Variants in CHTF8 observed in about 807,000 individuals in gnomAD.
CHTF8 encodes chromosome transmission fidelity factor 8, also known as chromosome transmission fidelity protein 8 homolog.
In CHTF8, 6 loss-of-function variants were observed where a neutral mutation model predicts 11.0. That is an observed-to-expected ratio of 0.55 (90% confidence interval 0.30 to 1.08). CHTF8 has a LOEUF of 1.08. Ranked by LOEUF, CHTF8 falls within the 50% of genes least tolerant of loss-of-function variation. CHTF8 has a pLI of 0.07. For missense variants in CHTF8, 140 were observed against 153.1 expected, an observed-to-expected ratio of 0.91 and a Z score of 0.45; for synonymous variants, 53 against 60.5, an observed-to-expected ratio of 0.88 and a Z score of 0.57.
At position 69,119,522 on chromosome 16, in the gene CHTF8, G is replaced by A. The variant is rs1280373148; in HGVS notation, c.*903C>T. 2 of 702,900 alleles carry A rather than the reference G, an allele frequency of 2.8e-6. No homozygotes were observed. Among genetic ancestry groups the A allele is most frequent in the Admixed American group, 4.0e-5 (2 of 50,020 alleles). The allele number at this position is 702,900 out of a possible 1,614,324, so 43.5% of individuals were successfully genotyped here. ...CCAGGTACTCTTGCCATGGAGGATG[G>A]GCTTGTGCCCATGTTTCCAGAAGCC... is the stretch of plus-strand genomic sequence containing the variant. On this transcript the variant is annotated 3_prime_UTR_variant, in exon 4 of 4. Coordinates refer to ENST00000448552, the MANE Select transcript of CHTF8 (RefSeq NM_001039690.5).
chr16:69,125,312 T>G (rs1464567512), intron 1 of CHTF8, among the ~76,000 whole-genome samples: 1 of 152,216 alleles, frequency 6.6e-6, no homozygotes, highest in Non-Finnish European at 1.5e-5. Flanking sequence ...CATTCAACCA[T>G]CATCACAAGT....
At chr16:69,122,719 T>A (rs1327124315) in intron 1 of CHTF8, among the ~76,000 whole-genome samples, 1 of 152,052 alleles carries the variant, frequency 6.6e-6, no homozygotes, top group Non-Finnish European at 1.5e-5. Context: ...TTTTTGTATT[T>A]TTAGTAGAGA....
chr16:69,122,422 G>C (rs997368644), intron 1 of CHTF8, among the ~76,000 whole-genome samples: 1 of 151,238 alleles, frequency 6.6e-6, no homozygotes, highest in Admixed American at 6.6e-5. Flanking sequence ...ACCAAATCTG[G>C]AGCGCAGTGG....
intron 1 of CHTF8, among the ~76,000 whole-genome samples, chr16:69,131,916 C>G (rs1053729824): frequency 4.6e-5 from 7 of 152,020 alleles, no homozygotes; most frequent in African/African-American, 1.7e-4. Context: ...AAGCCTCCCC[C>G]CTCCACGATT....
At chr16:69,131,877 C>T (rs888115267) in intron 1 of CHTF8, among the ~76,000 whole-genome samples, 125 of 152,016 alleles carry the variant, frequency 8.2e-4, no homozygotes, top group Non-Finnish European at 1.6e-3. Flanking sequence ...GAATGACTCT[C>T]CAACCACCCT....
At chr16:69,122,244 G>A (rs1300205650) in intron 1 of CHTF8, among the ~76,000 whole-genome samples, 1 of 152,134 alleles carries the variant, frequency 6.6e-6, no homozygotes, top group East Asian at 1.9e-4. Context: ...ATGGTCAACT[G>A]TATGTGCAAA....
In CHTF8 at chr16:69,120,140, A is replaced by G. The variant is rs1597107877; in HGVS notation, c.*285T>C. On this transcript the variant is annotated 3_prime_UTR_variant, in exon 4 of 4. Coordinates refer to ENST00000448552, the MANE Select transcript of CHTF8 (RefSeq NM_001039690.5). The surrounding 1 kb of genome is among the most constrained non-coding windows in gnomAD (Gnocchi z 4.0). ...GTGGGATTCATCCCTCTTGGAAAAGAAGCCATACTTGGGTCACGAGCACCA... is the reference window on the plus strand; with the variant it reads ...GTGGGATTCATCCCTCTTGGAAAAGGAGCCATACTTGGGTCACGAGCACCA... 3 of 701,358 alleles carry G rather than the reference A, an allele frequency of 4.3e-6. No homozygotes were observed. Among genetic ancestry groups the G allele is most frequent in the Non-Finnish European group, 2.6e-6 (1 of 384,936 alleles). The allele number at this position is 701,358 out of a possible 1,614,324, so 43.4% of individuals were successfully genotyped here.
intron 1 of CHTF8, among the ~76,000 whole-genome samples, chr16:69,125,039 G>A (rs979387851): frequency 1.3e-5 from 2 of 152,090 alleles, no homozygotes; most frequent in African/African-American, 4.8e-5. Context: ...CGAGTAGCTA[G>A]GATTATAGGC....
intron 1 of CHTF8, among the ~76,000 whole-genome samples, chr16:69,124,533 C>G (rs1380214978): frequency 6.6e-6 from 1 of 151,860 alleles, no homozygotes; most frequent in Non-Finnish European, 1.5e-5. Context: ...AAGTGATTCT[C>G]TTGCCTCAGC....
At chr16:69,122,748 G>T (rs1961774289) in intron 1 of CHTF8, among the ~76,000 whole-genome samples, 1 of 151,996 alleles carries the variant, frequency 6.6e-6, no homozygotes, top group Non-Finnish European at 1.5e-5. Context: ...CTTCATGTTG[G>T]CCAGGCTGGT....
chr16:69,121,470 C>A lies in CHTF8; in HGVS notation c.-12G>T. ...ACAATTTGCACCATGAGCTTTCTGT[C>A]TTTAAAAAGCAAGTGAAAACAAGCT... On this transcript the variant is annotated 5_prime_UTR_variant, in exon 2 of 4. Coordinates refer to ENST00000448552, the MANE Select transcript of CHTF8 (RefSeq NM_001039690.5). 6.3e-7 allele frequency: 1 copy of A among 1,597,940 alleles called. No homozygotes were observed. The highest frequency in any genetic ancestry group is 8.5e-7 in the Non-Finnish European group (1 of 1,175,246).
intron 1 of CHTF8, among the ~76,000 whole-genome samples, chr16:69,127,913 TTTCTCTTTC>T (rs1449865440): frequency 6.6e-6 from 1 of 150,544 alleles, no homozygotes; most frequent in Non-Finnish European, 1.5e-5. Flanking sequence ...CCCGGCCAAA[TTTCTCTTTC>T]TTCTTTTTTT....
intron 1 of CHTF8, among the ~76,000 whole-genome samples, chr16:69,128,919 C>G (rs1318253537): frequency 6.6e-6 from 1 of 151,944 alleles, no homozygotes; most frequent in Non-Finnish European, 1.5e-5. Context: ...CAAAAATTAG[C>G]CAGGCATGGT....
At chr16:69,129,872 G>T (rs1962369586) in intron 1 of CHTF8, among the ~76,000 whole-genome samples, 1 of 152,202 alleles carries the variant, frequency 6.6e-6, no homozygotes, top group East Asian at 1.9e-4. Context: ...GGGGTAGGCA[G>T]CTAAAAACAA....
intron 1 of CHTF8, among the ~76,000 whole-genome samples, chr16:69,121,825 G>A (rs889936108): frequency 5.9e-5 from 9 of 152,078 alleles, no homozygotes; most frequent in Non-Finnish European, 1.0e-4. Context: ...CCGCCACCAC[G>A]GCCGGCTAAT....
At chr16:69,123,925 TAA>T (rs757493986) in intron 1 of CHTF8, among the ~76,000 whole-genome samples, 4 of 76,970 alleles carry the variant, frequency 5.2e-5, no homozygotes, top group Admixed American at 1.5e-4. Context: ...CCATCTCTAC[TAA>T]AAAAAAAAAA....
In CHTF8 at chr16:69,120,045, G is replaced by A; in HGVS notation, c.*380C>T. ...GCAGAGCCCCTGTCCTAGGGTTTAG[G>A]GTGGGGCCTGGGCCTGGGCCTGGCC... On this transcript the variant is annotated 3_prime_UTR_variant, in exon 4 of 4. Coordinates refer to ENST00000448552, the MANE Select transcript of CHTF8 (RefSeq NM_001039690.5). This position sits in a 1 kb window ranked among gnomAD's most constrained non-coding sequence, Gnocchi z 4.0. The A allele has an allele frequency of 1.4e-6, 1 of 689,812 alleles. No individual in the cohort carries two copies. 42.7% of individuals were successfully genotyped at this position (689,812 alleles called of 1,614,324 possible).
chr16:69,120,228 C>T lies in CHTF8; in HGVS notation c.*197G>A, dbSNP rs1294249804. On this transcript the variant is annotated 3_prime_UTR_variant, in exon 4 of 4. Coordinates refer to ENST00000448552, the MANE Select transcript of CHTF8 (RefSeq NM_001039690.5). The surrounding 1 kb of genome is among the most constrained non-coding windows in gnomAD (Gnocchi z 4.0). ...ATGAAGCTGGAAAAGGAGATGGGTTCCTTGGAAATGGGGTCAGATTTCCAC... is the reference window on the plus strand; with the variant it reads ...ATGAAGCTGGAAAAGGAGATGGGTTTCTTGGAAATGGGGTCAGATTTCCAC... The T allele has an allele frequency of 1.4e-6, 1 of 706,210 alleles. No homozygotes were observed. Among genetic ancestry groups the T allele is most frequent in the East Asian group, 2.7e-5 (1 of 37,310 alleles). The allele number at this position is 706,210 out of a possible 1,614,324, so 43.7% of individuals were successfully genotyped here.
chr16:69,129,755 T>C (rs1962360832), intron 1 of CHTF8, among the ~76,000 whole-genome samples: 1 of 152,158 alleles, frequency 6.6e-6, no homozygotes, highest in Non-Finnish European at 1.5e-5. Flanking sequence ...GTATGATAAC[T>C]TCCCTTGCTT....
Sources: allele counts gnomAD v4.1 joint callset (sites outside exome capture counted in the v4.1 genomes callset), GRCh38; gene constraint gnomAD v4.1.1; non-coding constraint Gnocchi (gnomAD v3.1); transcripts MANE v1.5; gene names NCBI Gene and HGNC (gene_info 2026-07-23, HGNC 2026-07-21).